The following CBR3 variants were observed in gnomAD, a reference collection of about 807,000 sequenced individuals.
CBR3 encodes the protein carbonyl reductase [NADPH] 3.
CBR3 carries 14 observed loss-of-function variants against 11.6 expected under a neutral mutation model. That is an observed-to-expected ratio of 1.20 (90% CI 0.79 to 1.88). The LOEUF (loss-of-function observed/expected upper bound fraction) is 1.88, where lower values mean the gene tolerates loss of function less well. Among genes scored for constraint, CBR3 ranks in the 40% most tolerant of loss-of-function variants. The pLI is 0.00. For missense variants in CBR3, 308 were observed against 357.3 expected (o/e 0.86, Z 1.11); for synonymous variants, 125 against 145.6 (o/e 0.86, Z 1.02).
intron 1 of CBR3, 150 bp downstream of exon 1, chr21:36,135,631 G>C (rs2065653390): frequency 4.1e-6 from 3 of 728,122 alleles, no homozygotes; most frequent in Admixed American, 7.5e-5. Flanking sequence ...CCGCGAGGCG[G>C]TTTTCGCTTT....
intron 2 of CBR3, among the ~76,000 whole-genome samples, chr21:36,140,872 G>C (rs1470722384): frequency 6.6e-6 from 1 of 151,902 alleles, no homozygotes; most frequent in Non-Finnish European, 1.5e-5. Context: ...GCCAGGCATG[G>C]TGGTGGGCAC....
chr21:36,137,277 A>ACC (rs2065667039), intron 1 of CBR3: 2 of 153,808 alleles, frequency 1.3e-5, no homozygotes, highest in South Asian at 4.0e-4. Context: ...GGAGTTGGGG[A>ACC]CCAGCCTGGC....
intron 1 of CBR3, among the ~76,000 whole-genome samples, chr21:36,136,308 G>GA (rs3028091): frequency 0.4 from 56,165 of 140,176 alleles, 11,805 homozygotes; most frequent in Admixed American, 0.48. Flanking sequence ...GACTCCGTAT[G>GA]AAAAAAAAAA....
At chr21:36,141,931 G>A in intron 2 of CBR3, 3 of 984,564 alleles carry the variant, frequency 3.0e-6, no homozygotes, top group Non-Finnish European at 3.6e-6. Flanking sequence ...TAGCCGCCAA[G>A]TTTCTGAGAA....
chr21:36,142,436 A>AAAAAAAAAAAAAAAAAC (rs71196989), intron 2 of CBR3, among the ~76,000 whole-genome samples: 22 of 119,626 alleles, frequency 1.8e-4, no homozygotes, highest in Non-Finnish European at 3.3e-4. Context: ...CATCTCAAAA[A>AAAAAAAAAAAAAAAAAC]AAAAAAAAAA....
At chr21:36,142,588 G>A (rs909955652) in intron 2 of CBR3, among the ~76,000 whole-genome samples, 1 of 152,102 alleles carries the variant, frequency 6.6e-6, no homozygotes, top group South Asian at 2.1e-4. Context: ...TGCCTGGCAT[G>A]TGGTCATAAC....
At position 36,141,023 on chromosome 21, in the gene CBR3, A is replaced by AG. The variant is rs1363088856; in HGVS notation, c.397+3091_397+3092insG. 4.5e-4 allele frequency among the ~76,000 whole-genome samples: 63 copies of AG among 140,588 alleles called. 1 individual carries two copies. The highest frequency in any genetic ancestry group is 1.5e-3 in the African/African-American group (60 of 39,210). 92.2% of individuals were successfully genotyped at this position (140,588 alleles called of 152,430 possible). The stretch of plus-strand genomic sequence containing the variant: ...ACTCCATCTCAAAAAAAAAAAAAAA[A>AG]AAAGAAAGAAAGAAAGAAAAGAAAA... On this transcript the variant is annotated intron_variant, in intron 2 of 2. Transcript: ENST00000290354.
chr21:36,144,931 C>G (rs1601356364), intron 2 of CBR3: 1 of 152,256 alleles, frequency 6.6e-6, no homozygotes, highest in East Asian at 1.9e-4. Flanking sequence ...TGGCAAAACC[C>G]CATCTCTACT....
chr21:36,146,287 C>T lies in CBR3; in HGVS notation c.609C>T (p.Val203=), dbSNP rs752198289. 1 of 1,614,146 alleles carries T rather than the reference C, an allele frequency of 6.2e-7. No homozygotes were observed. The highest frequency in any genetic ancestry group is 8.5e-7 in the Non-Finnish European group (1 of 1,180,028). The change falls in exon 3 of 3, where the codon GTC becomes GTT. Residue 203 remains valine, a synonymous_variant. Coordinates refer to ENST00000290354, the MANE Select transcript of CBR3 (RefSeq NM_001236.4). ...PYGVSKLGVT[V]LSRILARRLD... ...GGGTGTCCAAGTTGGGGGTCACGGTCTTATCGAGGATCCTGGCCAGGCGTC... is the reference window on the plus strand; with the variant it reads ...GGGTGTCCAAGTTGGGGGTCACGGTTTTATCGAGGATCCTGGCCAGGCGTC...
chr21:36,137,304 T>A (rs45598234), intron 1 of CBR3: 1 of 153,802 alleles, frequency 6.5e-6, no homozygotes, highest in African/African-American at 2.4e-5. Context: ...GGCGAAACCC[T>A]GTCTCTGCAA....
At position 36,137,922 on chromosome 21, in the gene CBR3, GA is replaced by G; in HGVS notation, c.390del (p.Lys130AsnfsTer7). ...NMCNELLPIMKPHGRVVNISS... is the reference protein window; with the variant it reads ...NMCNELLPIMXPHGRVVNISS... Reference sequence around the variant, plus strand: ...TGTGCAACGAGTTACTGCCGATAATGAAACCTCATGGTAAGCCCAACGTGTG... The same window carrying G: ...TGTGCAACGAGTTACTGCCGATAATGAACCTCATGGTAAGCCCAACGTGTG... On this transcript the variant is annotated frameshift_variant, in exon 2 of 3. Coordinates refer to ENST00000290354, the MANE Select transcript of CBR3 (RefSeq NM_001236.4). LOFTEE classifies it low-confidence loss of function (END_TRUNC). 6.3e-7 allele frequency: 1 copy of G among 1,595,504 alleles called. No individual in the cohort carries two copies. Among genetic ancestry groups the G allele is most frequent in the Non-Finnish European group, 8.6e-7 (1 of 1,163,358 alleles).
At chr21:36,136,707 C>T (rs997915445) in intron 1 of CBR3, among the ~76,000 whole-genome samples, 9 of 152,106 alleles carry the variant, frequency 5.9e-5, no homozygotes, top group Non-Finnish European at 8.8e-5. Context: ...CAGAATCTCC[C>T]GCCTTGCCCC....
At chr21:36,143,554 GAATATT>G (rs780511587) in intron 2 of CBR3, among the ~76,000 whole-genome samples, 10 of 151,930 alleles carry the variant, frequency 6.6e-5, no homozygotes, top group African/African-American at 1.7e-4. Flanking sequence ...ATAATTTAAT[GAATATT>G]AATATTATCA....
intron 2 of CBR3, among the ~76,000 whole-genome samples, chr21:36,142,431 CAAAAAAA>C (rs71326645): frequency 2.5e-5 from 1 of 40,396 alleles, no homozygotes; most frequent in African/African-American, 1.1e-4. Flanking sequence ...GACTCCATCT[CAAAAAAA>C]AAAAAAAAAA....
chr21:36,143,945 G>A (rs544866768), intron 2 of CBR3, among the ~76,000 whole-genome samples: 57 of 151,654 alleles, frequency 3.8e-4, no homozygotes, highest in Non-Finnish European at 6.8e-4. Context: ...CATTCCACAC[G>A]TGAAGTGTCC....
chr21:36,146,214 C>G lies in CBR3; in HGVS notation c.536C>G (p.Thr179Arg). ...CTCATGAAAAAGTTTGTGGAGGACA[C>G]AAAAAATGAGGTGCATGAGAGGGAA... ...VDLMKKFVEDTKNEVHEREGW... is the reference protein window; with the variant it reads ...VDLMKKFVEDRKNEVHEREGW... Residue 179 changes from threonine (T) to arginine (R), a missense_variant, in exon 3 of 3, where the codon ACA (threonine) becomes AGA (arginine). Transcript: ENST00000290354. 6.2e-7 allele frequency: 1 copy of G among 1,614,078 alleles called. No individual in the cohort carries two copies.
intron 2 of CBR3, among the ~76,000 whole-genome samples, chr21:36,140,964 C>T (rs8127356): frequency 0.39 from 54,646 of 141,398 alleles, 10,890 homozygotes; most frequent in South Asian, 0.5. Flanking sequence ...GCCCAGATCG[C>T]GCCACTGCAC....
At chr21:36,135,549 C>T (rs1035364485) in intron 1 of CBR3, 68 bp downstream of exon 1, 46 of 1,425,566 alleles carry the variant, frequency 3.2e-5, no homozygotes, top group Non-Finnish European at 4.3e-5. Flanking sequence ...CAGCCGCAGG[C>T]TCCCCACCCG....
At chr21:36,136,067 T>C (rs900943571) in intron 1 of CBR3, among the ~76,000 whole-genome samples, 4 of 152,136 alleles carry the variant, frequency 2.6e-5, no homozygotes, top group Non-Finnish European at 5.9e-5. Flanking sequence ...GGGGAGCTTA[T>C]GTTTGTTATA....
Sources: allele counts gnomAD v4.1 joint callset (sites outside exome capture counted in the v4.1 genomes callset), GRCh38; gene constraint gnomAD v4.1.1; transcripts MANE v1.5; gene names NCBI Gene and HGNC (gene_info 2026-07-23, HGNC 2026-07-21).